Variants in PRH1 observed in about 807,000 individuals in gnomAD.
PRH1 encodes salivary acidic proline-rich phosphoprotein 1/2.
A neutral mutation model predicts 7.9 loss-of-function variants in PRH1; 7 were observed. That is an observed-to-expected ratio of 0.89 (90% CI 0.50 to 1.67). The LOEUF is 1.67. Ranked by LOEUF, PRH1 falls within the 40% of genes most tolerant of loss-of-function variation. PRH1 has a pLI of 0.00. For missense variants in PRH1, 109 were observed against 223.6 expected (o/e 0.49, Z 3.27); for synonymous variants, 45 against 80.8 (o/e 0.56, Z 2.38).
chr12:11,037,978 G>C (rs1205843976), intron 1 of PRH1, among the ~76,000 whole-genome samples: 1 of 152,242 alleles, frequency 6.6e-6, no homozygotes, highest in Non-Finnish European at 1.5e-5. Context: ...GGTGGCGGAG[G>C]TTGCATTGAG....
At chr12:10,913,385 G>T (rs1359422849) in intron 2 of PRH1, among the ~76,000 whole-genome samples, 1 of 151,956 alleles carries the variant, frequency 6.6e-6, no homozygotes, top group Non-Finnish European at 1.5e-5. Context: ...AACCTGGGAG[G>T]TGGAGCTTGC....
chr12:10,918,694 A>ATT (rs1338375647), intron 2 of PRH1, among the ~76,000 whole-genome samples: 1 of 152,252 alleles, frequency 6.6e-6, no homozygotes, highest in Non-Finnish European at 1.5e-5. Context: ...CTATGTAACA[A>ATT]TTTACAAAAG....
chr12:11,040,463 G>T (rs893465422), intron 1 of PRH1, among the ~76,000 whole-genome samples: 21 of 152,104 alleles, frequency 1.4e-4, no homozygotes, highest in African/African-American at 5.1e-4. Flanking sequence ...ACTAACACAG[G>T]AACAGAAAAC....
chr12:10,988,742 G>A (rs1304284172), intron 1 of PRH1, among the ~76,000 whole-genome samples: 2 of 151,978 alleles, frequency 1.3e-5, no homozygotes, highest in Non-Finnish European at 2.9e-5. Context: ...CACTCTCCAA[G>A]CCCCTACACC....
chr12:10,961,858 G>A (rs16916337), intron 2 of PRH1, among the ~76,000 whole-genome samples: 2,312 of 152,282 alleles, frequency 0.015, 21 homozygotes, highest in South Asian at 0.031. Context: ...TAGCCTTTCC[G>A]GAAAAGTACT....
chr12:11,132,819 T>G (rs1214009823), intron 1 of PRH1: 1 of 153,676 alleles, frequency 6.5e-6, no homozygotes, highest in Admixed American at 6.5e-5. Context: ...TCATTAGTGA[T>G]TAAGAATTGA....
intron 1 of PRH1, among the ~76,000 whole-genome samples, chr12:11,039,138 T>C (rs1301048072): frequency 6.6e-6 from 1 of 152,246 alleles, no homozygotes; most frequent in African/African-American, 2.4e-5. Context: ...CATGGGAAAA[T>C]ATAAATATAT....
intron 1 of PRH1, among the ~76,000 whole-genome samples, chr12:11,161,543 T>C (rs1450559523): frequency 6.6e-6 from 1 of 152,122 alleles, no homozygotes; most frequent in Non-Finnish European, 1.5e-5. Flanking sequence ...GTCAAAACGG[T>C]GTGCCAGGGT....
intron 2 of PRH1, among the ~76,000 whole-genome samples, chr12:10,943,537 T>C (rs184980798): frequency 1.7e-3 from 264 of 152,336 alleles, no homozygotes; most frequent in Non-Finnish European, 3.5e-3. Flanking sequence ...TTTACTCTGT[T>C]GATATTTTCT....
intron 1 of PRH1, chr12:11,171,358 T>C (rs1345669851): frequency 8.1e-7 from 1 of 1,231,802 alleles, no homozygotes. Flanking sequence ...ACCTGGCTCA[T>C]GGCCCCCGCG....
rs1565725932 is a variant in PRH1, at chr12:11,168,293, AAAG to A, written n.39+3126_39+3128del. ...GAAAGAAAGAAAGAAAGAAAGAAAG[AAAG>A]AAAGAAGGAAGGAAGGAAGGAAGGA... On this transcript the variant is annotated intron_variant and non_coding_transcript_variant, in intron 1 of 1. Transcript: ENST00000541175. Among the ~76,000 whole-genome samples the A allele has an allele frequency of 3.6e-3, 156 of 43,380 alleles. 36 individuals carry two copies. Among genetic ancestry groups the A allele is most frequent in the Middle Eastern group, 0.016 (2 of 124 alleles). 28.5% of individuals were successfully genotyped at this position (43,380 alleles called of 152,430 possible).
At chr12:11,031,270 A>C (rs1224434877) in intron 1 of PRH1, 5 of 1,614,084 alleles carry the variant, frequency 3.1e-6, no homozygotes. Context: ...AGCCATTAGC[A>C]AAATTTCCAA....
intron 1 of PRH1, among the ~76,000 whole-genome samples, chr12:11,140,229 A>G (rs1452077918): frequency 6.6e-6 from 1 of 152,080 alleles, no homozygotes; most frequent in Non-Finnish European, 1.5e-5. Context: ...TGTTAACAGC[A>G]CTGTAAGGGA....
rs779188162 is a variant in PRH1 at position 11,022,584 on chromosome 12, A to T, written c.-126+24436T>A. ...GAAAACACATCATGTTTGAACAGAT[A>T]AAAAAATGCAGGCTTAGTAACACTT... is the stretch of plus-strand genomic sequence containing the variant. On this transcript the variant is annotated intron_variant, in intron 1 of 3. Coordinates refer to the PRH1 transcript ENST00000539853. The T allele has an allele frequency of 3.8e-6, 6 of 1,574,362 alleles. No individual in the cohort carries two copies. The African/African-American group carries it at 5.4e-5, about 14-fold the overall frequency.
intron 2 of PRH1, among the ~76,000 whole-genome samples, chr12:10,916,454 T>A (rs188076850): frequency 9.2e-5 from 14 of 152,304 alleles, no homozygotes; most frequent in South Asian, 2.1e-4. Context: ...ACATCTTTTT[T>A]AATGAGACTT....
chr12:10,922,818 A>ATTTTTTT (rs1338757664), intron 2 of PRH1, among the ~76,000 whole-genome samples: 3 of 16,488 alleles, frequency 1.8e-4, no homozygotes, highest in Middle Eastern at 0.05. Flanking sequence ...TTTTCCATGA[A>ATTTTTTT]TTTTTTCTTT....
chr12:11,144,719 G>A (rs1243293473), intron 1 of PRH1, among the ~76,000 whole-genome samples: 1 of 152,222 alleles, frequency 6.6e-6, no homozygotes, highest in African/African-American at 2.4e-5. Flanking sequence ...GTACTATGGT[G>A]CCAGGCAGGA....
chr12:11,074,991 C>G (rs1944236545), intron 1 of PRH1, among the ~76,000 whole-genome samples: 1 of 150,836 alleles, frequency 6.6e-6, no homozygotes, highest in African/African-American at 2.4e-5. Flanking sequence ...CATCATGATA[C>G]ATGGTTTTAC....
chr12:11,022,947 T>A (rs1941736248), intron 1 of PRH1, among the ~76,000 whole-genome samples: 1 of 152,206 alleles, frequency 6.6e-6, no homozygotes, highest in South Asian at 2.1e-4. Context: ...GTTTAACCTC[T>A]CCATAATTTG....
Sources: allele counts gnomAD v4.1 joint callset (sites outside exome capture counted in the v4.1 genomes callset), GRCh38; gene constraint gnomAD v4.1.1; transcripts MANE v1.5; gene names NCBI Gene and HGNC (gene_info 2026-07-23, HGNC 2026-07-21).